Variants in TRPC3 observed in about 807,000 individuals in gnomAD.
TRPC3 encodes short transient receptor potential channel 3.
Under a neutral mutation model 90.9 loss-of-function variants are expected in TRPC3, and 54 were observed. The ratio of observed to expected loss-of-function variants is 0.59; its 90% CI spans 0.48 to 0.75. The LOEUF is 0.75. TRPC3 is among the 30% of genes least tolerant of loss of function. The pLI is 0.00. For synonymous variants in TRPC3, 424 were observed against 450.9 expected (o/e 0.94, Z 0.75); for missense variants, 918 against 1,194.5 (o/e 0.77, Z 3.41).
intron 2 of TRPC3, among the ~76,000 whole-genome samples, chr4:121,925,714 G>A (rs1284989500): frequency 2.0e-5 from 3 of 152,154 alleles, no homozygotes; most frequent in Non-Finnish European, 4.4e-5. Context: ...AAAAAGTAAC[G>A]TGAGGTGACA....
intron 6 of TRPC3, among the ~76,000 whole-genome samples, chr4:121,909,374 T>C (rs1729006294): frequency 6.6e-6 from 1 of 152,184 alleles, no homozygotes; most frequent in Admixed American, 6.6e-5. Flanking sequence ...TGAGTTCCCT[T>C]ACCTGTAAGA....
intron 10 of TRPC3, among the ~76,000 whole-genome samples, chr4:121,892,896 G>A (rs1400464822): frequency 6.6e-6 from 1 of 152,030 alleles, no homozygotes; most frequent in East Asian, 1.9e-4. Flanking sequence ...TGAGGCAAGT[G>A]GATCACTTGA....
intron 10 of TRPC3, among the ~76,000 whole-genome samples, chr4:121,894,896 T>C (rs1267069628): frequency 6.6e-6 from 1 of 152,098 alleles, no homozygotes; most frequent in Non-Finnish European, 1.5e-5. Flanking sequence ...ACATTCTCTA[T>C]GATTGACCAT....
At position 121,907,469 on chromosome 4, in the gene TRPC3, G is replaced by A. The variant is rs202011680; in HGVS notation, c.1891C>T (p.Pro631Ser). ...LSFSRIAYIL[P>S]ANESFGPLQI... ...AGGGGGCCAAAGCTCTCATTTGCAG[G>A]GAGGATGTACGCAATCCGAGAGAAG... Residue 631 changes from proline to serine, a missense_variant, in exon 7 of 12, where the codon CCT becomes TCT. Around this residue, in one of 4 missense-constraint regions of TRPC3, gnomAD observed 147 missense variants for 263.5 expected, o/e 0.56. Coordinates refer to ENST00000379645, the MANE Select transcript of TRPC3 (RefSeq NM_001130698.2). 1 of 1,613,376 alleles carries A rather than the reference G, an allele frequency of 6.2e-7. No homozygotes were observed.
At position 121,951,636 on chromosome 4, in the gene TRPC3, G is replaced by C. The variant is rs1277987569; in HGVS notation, c.45C>G (p.Thr15=). The C allele has an allele frequency of 7.0e-6, 10 of 1,423,172 alleles. No individual in the cohort carries two copies. Among genetic ancestry groups the C allele is most frequent in the Non-Finnish European group, 9.3e-6 (10 of 1,079,948 alleles). The allele number at this position is 1,423,172 out of a possible 1,614,324, so 88.2% of individuals were successfully genotyped here. The change falls in exon 1 of 12, where the codon ACC becomes ACG. Residue 15 remains threonine, a synonymous_variant. Coordinates refer to ENST00000379645, the MANE Select transcript of TRPC3 (RefSeq NM_001130698.2). This position sits in a 1 kb window ranked among gnomAD's most constrained non-coding sequence, Gnocchi z 4.4. ...CTTCCTCCTCCTCCGGCGCCGGGAA[G>C]GTCACCCTTGCTTGTTCTTTGCACT... ...VRKCKEQARV[T]FPAPEEEEDE...
intron 3 of TRPC3, among the ~76,000 whole-genome samples, chr4:121,919,125 CATT>C (rs1480723287): frequency 2.0e-5 from 3 of 152,214 alleles, no homozygotes; most frequent in Non-Finnish European, 4.4e-5. Context: ...GGACAATCAG[CATT>C]GAGAACAACT....
chr4:121,939,635 A>C (rs6534328), intron 1 of TRPC3, among the ~76,000 whole-genome samples: 145,507 of 152,324 alleles, frequency 0.96, 69,869 homozygotes, highest in Non-Finnish European at 1. Flanking sequence ...TGGTGTGGAC[A>C]CTGCTATGAG....
intron 3 of TRPC3, 109 bp from the exon 4 acceptor site, chr4:121,915,053 T>C (rs1007043863): frequency 2.1e-6 from 2 of 963,048 alleles, no homozygotes; most frequent in Non-Finnish European, 1.4e-6. Context: ...TTAAAGCATA[T>C]TTTTTCTAGC....
chr4:121,878,420 G>A lies in TRPC3; in HGVS notation c.*1316C>T, dbSNP rs1229001502. Among the ~76,000 whole-genome samples the A allele has an allele frequency of 1.3e-5, 2 of 149,676 alleles. No homozygotes were observed. Among genetic ancestry groups the A allele is most frequent in the Admixed American group, 1.3e-4 (2 of 14,890 alleles). ...AATCTTTGATCTATGATCACAATTC[G>A]TATTCCTATACGACTTGACAGCAAC... is the stretch of plus-strand genomic sequence containing the variant. On this transcript the variant is annotated 3_prime_UTR_variant, in exon 12 of 12. Coordinates refer to ENST00000379645, the MANE Select transcript of TRPC3 (RefSeq NM_001130698.2).
chr4:121,900,616 G>T (rs1174387742), intron 9 of TRPC3, among the ~76,000 whole-genome samples: 1 of 152,118 alleles, frequency 6.6e-6, no homozygotes, highest in Non-Finnish European at 1.5e-5. Flanking sequence ...TAGCTGTCTA[G>T]GTTAGCTGGA....
At chr4:121,886,425 G>C (rs1560684730) in intron 10 of TRPC3, among the ~76,000 whole-genome samples, 1 of 152,106 alleles carries the variant, frequency 6.6e-6, no homozygotes, top group Non-Finnish European at 1.5e-5. Flanking sequence ...AAAGGACCTT[G>C]GGAATCATTG....
chr4:121,909,575 C>T (rs573845416), intron 6 of TRPC3, among the ~76,000 whole-genome samples: 2 of 152,182 alleles, frequency 1.3e-5, no homozygotes, highest in South Asian at 4.1e-4. Flanking sequence ...GGTCTCACTG[C>T]TCTTCATAAT....
chr4:121,894,555 GT>G (rs374034360), intron 10 of TRPC3, among the ~76,000 whole-genome samples: 991 of 63,316 alleles, frequency 0.016, 3 homozygotes, highest in East Asian at 0.14. Context: ...TACACATTCT[GT>G]TTTTTTTTTT....
Position 121,932,190 on chromosome 4 carries a change from G to T in TRPC3, c.987+81C>A. The T allele has an allele frequency of 6.4e-7, 1 of 1,554,198 alleles. No individual in the cohort carries two copies. Among genetic ancestry groups the T allele is most frequent in the Non-Finnish European group, 8.7e-7 (1 of 1,149,026 alleles). Reference sequence around the variant, plus strand: ...CACTGGGCAAAACCGAATGTGGAGCGAACGGTGGCAGAGCAGGCCAGGCAG... The same window carrying T: ...CACTGGGCAAAACCGAATGTGGAGCTAACGGTGGCAGAGCAGGCCAGGCAG... On this transcript the variant is annotated intron_variant, in intron 2 of 11. Transcript: ENST00000379645. This position sits in a 1 kb window ranked among gnomAD's most constrained non-coding sequence, Gnocchi z 7.7.
chr4:121,936,335 T>G (rs896249787), intron 1 of TRPC3, among the ~76,000 whole-genome samples: 32 of 152,158 alleles, frequency 2.1e-4, no homozygotes, highest in African/African-American at 7.7e-4. Flanking sequence ...AATGTTTAGC[T>G]CTAGTAATGT....
intron 11 of TRPC3, among the ~76,000 whole-genome samples, chr4:121,881,404 A>G (rs1727938408): frequency 6.6e-6 from 1 of 151,306 alleles, no homozygotes; most frequent in Non-Finnish European, 1.5e-5. Context: ...TCCACCCCCC[A>G]TGGAGATTAC....
Position 121,932,393 on chromosome 4 carries a change from T to C in TRPC3, c.865A>G (p.Asn289Asp), listed in dbSNP as rs75867299. The C allele has an allele frequency of 6.2e-7, 1 of 1,614,166 alleles. No homozygotes were observed. Among genetic ancestry groups the C allele is most frequent in the African/African-American group, 1.3e-5 (1 of 75,040 alleles). ...GGGCTGGCCAGCCCCTTGTAGGCAT[T>C]GATCCTCGAGCGTGAGTGGCTGAAG... Reference protein sequence around the residue: ...DSFSHSRSRINAYKGLASPAY... With the variant: ...DSFSHSRSRIDAYKGLASPAY... The change falls in exon 2 of 12, where the codon AAT (asparagine) becomes GAT (aspartate). Residue 289 changes from asparagine to aspartate, a missense_variant. By Grantham distance (23) the Asn-to-Asp change is conservative. This residue lies in a region of TRPC3 where 609 missense variants were observed against 725.9 expected (regional missense o/e 0.84). Coordinates refer to ENST00000379645, the MANE Select transcript of TRPC3 (RefSeq NM_001130698.2). This position sits in a 1 kb window ranked among gnomAD's most constrained non-coding sequence, Gnocchi z 7.7.
chr4:121,914,671 A>C (rs999572711), intron 4 of TRPC3, 109 bp downstream of exon 4: 1 of 1,141,908 alleles, frequency 8.8e-7, no homozygotes, highest in South Asian at 2.7e-5. Context: ...GAATCAATTA[A>C]CATTCAGGGT....
At position 121,877,510 on chromosome 4, in the gene TRPC3, T is replaced by C. The variant is rs1364286788; in HGVS notation, c.*2226A>G. Among the ~76,000 whole-genome samples the C allele has an allele frequency of 6.6e-6, 1 of 152,020 alleles. No individual in the cohort carries two copies. Among genetic ancestry groups the C allele is most frequent in the Non-Finnish European group, 1.5e-5 (1 of 68,006 alleles). ...CCGAGCAAGGCTTCTTCTTTTTAGC[T>C]GAGGGCAATTCTCCAGGGGAAGTGA... On this transcript the variant is annotated 3_prime_UTR_variant, in exon 12 of 12. Transcript: ENST00000379645.
Sources: gnomAD v4.1 joint callset for allele counts (sites outside exome capture counted in the v4.1 genomes callset) on GRCh38, gnomAD v4.1.1 for gene constraint, gnomAD v4.1.1 regional missense constraint, Gnocchi (gnomAD v3.1) non-coding constraint, MANE v1.5 for transcripts, NCBI Gene and HGNC (gene_info 2026-07-23, HGNC 2026-07-21) for gene names.